The following SLC39A12 variants were observed in gnomAD, a reference collection of about 807,000 sequenced individuals.
SLC39A12 encodes the protein solute carrier family 39 member 12.
Under a neutral mutation model 71.1 loss-of-function variants are expected in SLC39A12, and 63 were observed. That is an observed-to-expected ratio of 0.89 (90% CI 0.72 to 1.09). SLC39A12 has a LOEUF of 1.09. Among genes scored for constraint, SLC39A12 ranks in the 50% least tolerant of loss-of-function variants. The probability of loss-of-function intolerance (pLI) is 0.00; values close to 1 mark genes in which losing one functional copy is unlikely to be tolerated. For synonymous variants in SLC39A12, 351 were observed against 301.3 expected (o/e 1.16, Z -1.71); for missense variants, 892 against 812.6 (o/e 1.10, Z -1.19).
intron 5 of SLC39A12, among the ~76,000 whole-genome samples, chr10:17,979,450 A>G (rs1835199193): frequency 6.6e-6 from 1 of 152,138 alleles, no homozygotes; most frequent in Admixed American, 6.5e-5. Flanking sequence ...CCATTCCTTT[A>G]TTTACCAGTC....
At chr10:18,000,895 T>A in intron 11 of SLC39A12, 70 bp downstream of exon 11, 1 of 1,416,776 alleles carries the variant, frequency 7.1e-7, no homozygotes, top group Non-Finnish European at 9.6e-7. Flanking sequence ...AGCTATGGTT[T>A]ACTAGGATTC....
At chr10:17,963,940 C>G (rs544940171) in intron 3 of SLC39A12, among the ~76,000 whole-genome samples, 1 of 152,296 alleles carries the variant, frequency 6.6e-6, no homozygotes, top group East Asian at 1.9e-4. Flanking sequence ...TCTGTTTTGT[C>G]CAAACCTCTC....
chr10:17,963,095 A>T (rs554429278), intron 3 of SLC39A12, among the ~76,000 whole-genome samples: 1 of 152,132 alleles, frequency 6.6e-6, no homozygotes, highest in South Asian at 2.1e-4. Context: ...CAGGAGTTTG[A>T]GGTTACAGTG....
chr10:17,961,996 G>C, intron 3 of SLC39A12, 134 bp downstream of exon 3: 1 of 863,118 alleles, frequency 1.2e-6, no homozygotes, highest in Non-Finnish European at 1.7e-6. Context: ...TTGGTTATGA[G>C]ATGTTAAATG....
intron 4 of SLC39A12, among the ~76,000 whole-genome samples, chr10:17,972,941 T>G (rs1742771379): frequency 6.6e-6 from 1 of 152,072 alleles, no homozygotes; most frequent in Non-Finnish European, 1.5e-5. Context: ...TTAGTGAAGG[T>G]GATTTTCTCT....
intron 4 of SLC39A12, among the ~76,000 whole-genome samples, chr10:17,977,043 A>AT (rs574128699): frequency 2.0e-5 from 3 of 151,436 alleles, no homozygotes; most frequent in African/African-American, 4.9e-5. Context: ...ATGTTCAGTG[A>AT]TTTTTTTCTT....
At chr10:17,965,408 G>A in intron 3 of SLC39A12, 75 bp from the exon 4 acceptor site, 6 of 1,378,684 alleles carry the variant, frequency 4.4e-6, no homozygotes, top group Non-Finnish European at 6.1e-6. Flanking sequence ...CCCTTTAGGG[G>A]GAAATTTCAG....
intron 11 of SLC39A12, 36 bp downstream of exon 11, chr10:18,000,861 T>C (rs753756296): frequency 6.3e-7 from 1 of 1,589,236 alleles, no homozygotes; most frequent in Admixed American, 1.7e-5. Flanking sequence ...TTCTGGCCTG[T>C]TGAGAAAGAA....
At chr10:18,041,479 G>C (rs1054677607) in intron 12 of SLC39A12, among the ~76,000 whole-genome samples, 30 of 149,774 alleles carry the variant, frequency 2.0e-4, no homozygotes, top group Admixed American at 3.4e-4. Context: ...CTGGGTGACA[G>C]AGTGAGACTC....
chr10:17,965,707 G>A lies in SLC39A12; in HGVS notation c.751+17G>A, dbSNP rs747644377. On this transcript the variant is annotated intron_variant, in intron 4 of 12. Transcript: ENST00000377369. The stretch of plus-strand genomic sequence containing the variant: ...GCCTATCAGGTAAGGATGTTTTCAC[G>A]AATTTAACTTCCAAGTCACACCTGC... The A allele has an allele frequency of 6.9e-6, 11 of 1,592,426 alleles. No homozygotes were observed. Among genetic ancestry groups the A allele is most frequent in the Admixed American group, 1.7e-5 (1 of 59,588 alleles).
chr10:17,969,796 C>A (rs1834923754), intron 4 of SLC39A12, among the ~76,000 whole-genome samples: 1 of 152,030 alleles, frequency 6.6e-6, no homozygotes, highest in African/African-American at 2.4e-5. Flanking sequence ...TGATGTGATC[C>A]CACTTGTCCA....
intron 12 of SLC39A12, 165 bp downstream of exon 12, chr10:18,003,523 G>A: frequency 1.8e-6 from 1 of 567,354 alleles, no homozygotes; most frequent in Non-Finnish European, 2.8e-6. Flanking sequence ...TGCATTCTGG[G>A]CAGAAAGAAC....
chr10:18,036,560 G>A (rs1168634088), intron 12 of SLC39A12, among the ~76,000 whole-genome samples: 2 of 151,654 alleles, frequency 1.3e-5, no homozygotes, highest in African/African-American at 4.8e-5. Context: ...GCACTCCCTA[G>A]TGAGATGAAC....
intron 4 of SLC39A12, among the ~76,000 whole-genome samples, chr10:17,972,776 T>C (rs1333582953): frequency 1.3e-5 from 2 of 152,064 alleles, no homozygotes; most frequent in Admixed American, 6.6e-5. Context: ...GGTCTTATTT[T>C]TTTTTTATCT....
chr10:17,977,862 T>G, intron 4 of SLC39A12, 40 bp from the exon 5 acceptor site: 12 of 1,472,894 alleles, frequency 8.1e-6, no homozygotes, highest in Non-Finnish European at 1.1e-5. Context: ...TCGGAACTTA[T>G]CTATTCTATG....
chr10:17,981,297 G>C lies in SLC39A12; in HGVS notation c.925-15G>C. On this transcript the variant is annotated splice_polypyrimidine_tract_variant and intron_variant, in intron 5 of 12. Transcript: ENST00000377369. Reference sequence around the variant, plus strand: ...ATGCTGAGATTAGTAACAATGTTATGTTTTCCTCACACAGACCTGCTTCTC... The same window carrying C: ...ATGCTGAGATTAGTAACAATGTTATCTTTTCCTCACACAGACCTGCTTCTC... 6.3e-7 allele frequency: 1 copy of C among 1,587,702 alleles called. No individual in the cohort carries two copies. Among genetic ancestry groups the C allele is most frequent in the Non-Finnish European group, 8.6e-7 (1 of 1,164,576 alleles).
At chr10:17,976,226 G>A (rs1835105935) in intron 4 of SLC39A12, among the ~76,000 whole-genome samples, 1 of 152,120 alleles carries the variant, frequency 6.6e-6, no homozygotes. Flanking sequence ...GATTGGTGGA[G>A]GCTTCTATTC....
At chr10:17,991,083 A>G (rs1835531690) in intron 7 of SLC39A12, 68 bp from the exon 8 acceptor site, 3 of 1,418,906 alleles carry the variant, frequency 2.1e-6, no homozygotes, top group Non-Finnish European at 2.8e-6. Flanking sequence ...CCTACTATTT[A>G]ATAGTTAAGT....
At chr10:18,029,024 CT>C (rs75808185) in intron 12 of SLC39A12, among the ~76,000 whole-genome samples, 2,511 of 143,772 alleles carry the variant, frequency 0.017, 29 homozygotes, top group Non-Finnish European at 0.028. Flanking sequence ...CCCACCAAAA[CT>C]TTTTTTTTTT....
Sources: allele counts gnomAD v4.1 joint callset (sites outside exome capture counted in the v4.1 genomes callset), GRCh38; gene constraint gnomAD v4.1.1; transcripts MANE v1.5; gene names NCBI Gene and HGNC (gene_info 2026-07-23, HGNC 2026-07-21).